Variants in ORC4 observed in about 807,000 individuals in gnomAD.
The protein encoded by ORC4 is origin recognition complex subunit 4, also known as origin recognition complex, subunit 4 homolog.
ORC4 carries 55 observed loss-of-function variants against 63.9 expected under a neutral mutation model. The observed-to-expected ratio is 0.86, with a 90% CI of 0.69 to 1.08. ORC4 has a LOEUF of 1.08. ORC4 is among the 50% of genes least tolerant of loss of function. ORC4 has a pLI of 0.00. For synonymous variants in ORC4, 150 were observed against 168.5 expected, an observed-to-expected ratio of 0.89 and a Z score of 0.85; for missense variants, 511 against 504.4, an observed-to-expected ratio of 1.01 and a Z score of -0.13.
rs1398209572 is a variant in ORC4 at position 147,935,227 on chromosome 2, T to C, written c.*283A>G. On this transcript the variant is annotated 3_prime_UTR_variant, in exon 14 of 14. Transcript: ENST00000392857. ...TGAAGTGAGCTCTTCAAATAGACCA[T>C]TATATATATAAGTGTTAAAAAAGCA... is the stretch of plus-strand genomic sequence containing the variant. 4.9e-6 allele frequency: 2 copies of C among 405,082 alleles called. No homozygotes were observed. Among genetic ancestry groups the C allele is most frequent in the African/African-American group, 2.0e-5 (1 of 49,300 alleles). 25.1% of individuals were successfully genotyped at this position (405,082 alleles called of 1,614,324 possible). A position where few individuals can be genotyped will look rare whatever the true frequency, so the allele number is the denominator to read the frequency against.
chr2:147,960,517 T>A (rs1689529680), intron 4 of ORC4: 1 of 209,442 alleles, frequency 4.8e-6, no homozygotes, highest in African/African-American at 2.4e-5. Context: ...AATTTGGTCA[T>A]CTCCTTTCCA....
chr2:147,992,662 C>T (rs372310888), intron 1 of ORC4, among the ~76,000 whole-genome samples: 3 of 152,274 alleles, frequency 2.0e-5, no homozygotes, highest in East Asian at 1.9e-4. Context: ...TCCTTTGCCA[C>T]GTTTACAGAC....
At chr2:147,949,951 G>A (rs977035979) in intron 8 of ORC4, among the ~76,000 whole-genome samples, 3 of 152,092 alleles carry the variant, frequency 2.0e-5, no homozygotes, top group East Asian at 1.9e-4. Context: ...TAATACCTAC[G>A]TGAAGAAATC....
chr2:148,018,328 T>C (rs958712377), intron 1 of ORC4, among the ~76,000 whole-genome samples: 2 of 152,142 alleles, frequency 1.3e-5, no homozygotes, highest in Non-Finnish European at 2.9e-5. Context: ...ACAGTAAAAG[T>C]AAAGGGATCT....
At chr2:147,965,993 C>T (rs1021441669) in intron 4 of ORC4, among the ~76,000 whole-genome samples, 1 of 152,024 alleles carries the variant, frequency 6.6e-6, no homozygotes, top group Non-Finnish European at 1.5e-5. Flanking sequence ...ATCCCTTGAG[C>T]CCAGGAGTTT....
At chr2:147,999,613 T>C (rs1273537687) in intron 1 of ORC4, among the ~76,000 whole-genome samples, 1 of 152,100 alleles carries the variant, frequency 6.6e-6, no homozygotes, top group Non-Finnish European at 1.5e-5. Context: ...CACTTGAGAA[T>C]CACTGACCTA....
chr2:147,966,743 G>A (rs565395171), intron 4 of ORC4, among the ~76,000 whole-genome samples: 1 of 152,072 alleles, frequency 6.6e-6, no homozygotes, highest in Non-Finnish European at 1.5e-5. Flanking sequence ...ATCCAGTACT[G>A]GATGGCTTTG....
In ORC4 at chr2:147,988,006, T is replaced by G. The variant is rs551544452; in HGVS notation, c.-17-12031A>C. 2.9e-3 allele frequency among the ~76,000 whole-genome samples: 418 copies of G among 142,116 alleles called. 1 individual carries two copies. The highest frequency in any genetic ancestry group is 7.9e-3 in the Admixed American group (109 of 13,786). The allele number at this position is 142,116 out of a possible 152,430, so 93.2% of individuals were successfully genotyped here. A position where few individuals can be genotyped will look rare whatever the true frequency, so the allele number is the denominator to read the frequency against. On this transcript the variant is annotated intron_variant, in intron 1 of 13. Transcript: ENST00000392857. ...AGGCGGAGCTTGCAGTGAGCCAAGATAGAGCCACTGCACTCCAGCCTGGGC... is the reference window on the plus strand; with the variant it reads ...AGGCGGAGCTTGCAGTGAGCCAAGAGAGAGCCACTGCACTCCAGCCTGGGC...
chr2:147,980,528 G>A (rs1294227448), intron 1 of ORC4, among the ~76,000 whole-genome samples: 1 of 151,864 alleles, frequency 6.6e-6, no homozygotes, highest in Non-Finnish European at 1.5e-5. Flanking sequence ...TAATAGCAAG[G>A]AAACAACCCA....
chr2:148,013,673 A>G (rs1225183938), intron 1 of ORC4, among the ~76,000 whole-genome samples: 1 of 152,202 alleles, frequency 6.6e-6, no homozygotes, highest in Admixed American at 6.5e-5. Flanking sequence ...CTTATATCAA[A>G]TATCACATAC....
Position 147,931,365 on chromosome 2 carries a change from T to C in ORC4, c.*4145A>G, listed in dbSNP as rs1362878775. 3 of 152,100 alleles carry C rather than the reference T, an allele frequency of 2.0e-5. No homozygotes were observed. The highest frequency in any genetic ancestry group is 7.2e-5 in the African/African-American group (3 of 41,428). The allele number at this position is 152,100 out of a possible 1,614,324, so 9.4% of individuals were successfully genotyped here. ...AGCATGATTTATAGTCCTTTGGGTA[T>C]ATACCCAGTAATGGGATGGCTGGGT... On this transcript the variant is annotated 3_prime_UTR_variant, in exon 14 of 14. Transcript: ENST00000392857.
At chr2:147,950,688 C>A (rs1288404248) in intron 8 of ORC4, among the ~76,000 whole-genome samples, 1 of 151,506 alleles carries the variant, frequency 6.6e-6, no homozygotes, top group Non-Finnish European at 1.5e-5. Flanking sequence ...TTGCTTGAAC[C>A]CCGAAGGTGG....
chr2:148,021,349 C>T (rs938500503), upstream of ORC4: 6 of 414,040 alleles, frequency 1.4e-5, no homozygotes, highest in Non-Finnish European at 2.9e-5. Flanking sequence ...CGACTCCTAC[C>T]CCCTCACCCC....
intron 1 of ORC4, among the ~76,000 whole-genome samples, chr2:147,984,976 G>A (rs1466560406): frequency 2.0e-5 from 3 of 152,078 alleles, no homozygotes; most frequent in South Asian, 2.1e-4. Context: ...TGCTTTCCAA[G>A]GGTTGCTTGT....
chr2:147,935,308 A>T lies in ORC4; in HGVS notation c.*202T>A. 1.7e-6 allele frequency: 1 copy of T among 588,062 alleles called. No individual in the cohort carries two copies. Among genetic ancestry groups the T allele is most frequent in the Non-Finnish European group, 3.1e-6 (1 of 327,680 alleles). 36.4% of individuals were successfully genotyped at this position (588,062 alleles called of 1,614,324 possible). ...TATTCTTCTGAACAGCTACTTACAAAGTAATCTCAATCAGTGAAATTATAA... is the reference window on the plus strand; with the variant it reads ...TATTCTTCTGAACAGCTACTTACAATGTAATCTCAATCAGTGAAATTATAA... On this transcript the variant is annotated 3_prime_UTR_variant, in exon 14 of 14. Coordinates refer to ENST00000392857, the MANE Select transcript of ORC4 (RefSeq NM_181741.4).
intron 1 of ORC4, among the ~76,000 whole-genome samples, chr2:148,016,238 C>CA (rs1204397737): frequency 6.6e-6 from 1 of 152,104 alleles, no homozygotes; most frequent in Non-Finnish European, 1.5e-5. Flanking sequence ...AAGCAATGAC[C>CA]AGCTCAGTGG....
chr2:148,021,263 C>T (rs1025691067), upstream of ORC4: 4 of 326,220 alleles, frequency 1.2e-5, no homozygotes, highest in Non-Finnish European at 2.4e-5. Flanking sequence ...CCCCACCCTC[C>T]AGCCCTGAGC....
At chr2:147,967,743 C>T (rs1258477044) in intron 4 of ORC4, among the ~76,000 whole-genome samples, 1 of 151,898 alleles carries the variant, frequency 6.6e-6, no homozygotes. Flanking sequence ...TCTACAGTTT[C>T]AATGATATTC....
chr2:147,969,301 T>C (rs1453467236), intron 4 of ORC4, among the ~76,000 whole-genome samples: 1 of 152,034 alleles, frequency 6.6e-6, no homozygotes, highest in Non-Finnish European at 1.5e-5. Context: ...GTTCCCCACA[T>C]AAATAAATGA....
Sources: allele counts gnomAD v4.1 joint callset (sites outside exome capture counted in the v4.1 genomes callset), GRCh38; gene constraint gnomAD v4.1.1; transcripts MANE v1.5; gene names NCBI Gene and HGNC (gene_info 2026-07-23, HGNC 2026-07-21).